The following CDH22 variants were observed in gnomAD, a reference collection of about 807,000 sequenced individuals.
CDH22 encodes the protein cadherin-22.
In CDH22, 30 loss-of-function variants were observed where a neutral mutation model predicts 58.4. The ratio of observed to expected loss-of-function variants is 0.51; its 90% CI spans 0.38 to 0.70. CDH22 has a LOEUF of 0.70. Ranked by LOEUF, CDH22 falls within the 30% of genes least tolerant of loss-of-function variation. CDH22 has a pLI of 0.00. For missense variants in CDH22, 1,014 were observed against 1,233.9 expected (o/e 0.82, Z 2.67); for synonymous variants, 513 against 558.2 (o/e 0.92, Z 1.14).
chr20:46,217,061 A>T (rs933956505), intron 4 of CDH22, 68 bp from the exon 5 acceptor site: 40 of 1,489,296 alleles, frequency 2.7e-5, no homozygotes, highest in Non-Finnish European at 3.5e-5. Context: ...AGACCCCTGT[A>T]CAGGCGGGAT....
intron 10 of CDH22, among the ~76,000 whole-genome samples, chr20:46,186,105 T>C (rs978496935): frequency 6.6e-6 from 1 of 151,132 alleles, no homozygotes; most frequent in African/African-American, 2.4e-5. Context: ...TCCGAGCTAC[T>C]TGGGAGGCTG....
intron 1 of CDH22, among the ~76,000 whole-genome samples, chr20:46,295,657 C>T (rs1402842866): frequency 6.6e-6 from 1 of 152,238 alleles, no homozygotes; most frequent in African/African-American, 2.4e-5. Flanking sequence ...AGTCCAGCTT[C>T]CAGAATCCAA....
At chr20:46,214,259 T>G (rs1246508581) in intron 5 of CDH22, among the ~76,000 whole-genome samples, 4 of 152,002 alleles carry the variant, frequency 2.6e-5, no homozygotes, top group African/African-American at 9.7e-5. Context: ...TGCAGCTTGC[T>G]CTCCAACCAG....
rs2086369954 is a variant in CDH22, at chr20:46,251,157, C to A, written c.138G>T (p.Ala46=). The A allele has an allele frequency of 3.1e-6, 5 of 1,589,916 alleles. No homozygotes were observed. The highest frequency in any genetic ancestry group is 1.1e-5 in the South Asian group (1 of 89,554). ...LWAAGTPSPS[A]PGARQDGALG... is the part of the protein sequence containing the mutation. The stretch of plus-strand genomic sequence containing the variant: ...GCGCGCCGTCCTGCCGAGCTCCGGG[C>A]GCCGACGGCGAGGGTGTGCCCGCTG... The change falls in exon 2 of 12, where the codon GCG becomes GCT. Residue 46 remains alanine, a synonymous_variant. Coordinates refer to ENST00000537909, the MANE Select transcript of CDH22 (RefSeq NM_021248.3). This position sits in a 1 kb window ranked among gnomAD's most constrained non-coding sequence, Gnocchi z 6.7.
chr20:46,223,721 TTCTTTC>T (rs758297771), intron 4 of CDH22, among the ~76,000 whole-genome samples: 11,316 of 86,442 alleles, frequency 0.13, 499 homozygotes, highest in Non-Finnish European at 0.14. Flanking sequence ...TTCTTTTTCT[TTCTTTC>T]TCTTTCTTTC....
chr20:46,224,277 G>A (rs1042413744), intron 4 of CDH22, among the ~76,000 whole-genome samples: 1 of 152,236 alleles, frequency 6.6e-6, no homozygotes, highest in Non-Finnish European at 1.5e-5. Flanking sequence ...AAAGTGCCAT[G>A]AATGCAGAGC....
At chr20:46,255,856 C>T (rs569847006) in intron 1 of CDH22, among the ~76,000 whole-genome samples, 1 of 152,296 alleles carries the variant, frequency 6.6e-6, no homozygotes, top group East Asian at 1.9e-4. Context: ...CCTGGGACCG[C>T]CTCCCATGAG....
intron 1 of CDH22, among the ~76,000 whole-genome samples, chr20:46,283,756 C>T (rs2086561578): frequency 6.6e-6 from 1 of 151,452 alleles, no homozygotes; most frequent in Admixed American, 6.6e-5. Flanking sequence ...AGCAGCTTCA[C>T]ATGGAGTCCC....
At chr20:46,302,289 A>C (rs947232819) in intron 1 of CDH22, among the ~76,000 whole-genome samples, 1 of 151,388 alleles carries the variant, frequency 6.6e-6, no homozygotes. Context: ...GGTGGGGGGG[A>C]CTGTCTTGTG....
chr20:46,222,858 C>G (rs997218906), intron 4 of CDH22, among the ~76,000 whole-genome samples: 2 of 152,286 alleles, frequency 1.3e-5, no homozygotes, highest in African/African-American at 2.4e-5. Flanking sequence ...CTCACACCTT[C>G]CTCCCAGGCC....
intron 1 of CDH22, among the ~76,000 whole-genome samples, chr20:46,270,778 C>T (rs1422923358): frequency 6.6e-6 from 1 of 152,134 alleles, no homozygotes; most frequent in Non-Finnish European, 1.5e-5. Context: ...TATAAATCTG[C>T]AATTCATCAT....
intron 6 of CDH22, among the ~76,000 whole-genome samples, chr20:46,211,444 G>T (rs564609034): frequency 2.6e-5 from 4 of 152,326 alleles, no homozygotes; most frequent in Admixed American, 2.0e-4. Flanking sequence ...CCTGTTGCCT[G>T]GGAAATCAGG....
At chr20:46,292,385 T>C (rs2145777782) in intron 1 of CDH22, among the ~76,000 whole-genome samples, 1 of 152,350 alleles carries the variant, frequency 6.6e-6, no homozygotes. Context: ...GCTGTGGCTT[T>C]GATGTCAAAC....
At chr20:46,292,916 T>TTGTGTGTGTGTCTG (rs1555808072) in intron 1 of CDH22, among the ~76,000 whole-genome samples, 5 of 143,922 alleles carry the variant, frequency 3.5e-5, no homozygotes, top group African/African-American at 1.3e-4. Context: ...CAGCCACTGG[T>TTGTGTGTGTGTCTG]TGTGTGTGTG....
At chr20:46,202,422 C>T (rs969536580) in intron 7 of CDH22, among the ~76,000 whole-genome samples, 9 of 150,554 alleles carry the variant, frequency 6.0e-5, no homozygotes, top group Non-Finnish European at 1.2e-4. Context: ...GGTGCGATCT[C>T]GGCTCACTGC....
At chr20:46,232,977 C>A (rs1198405215) in intron 3 of CDH22, among the ~76,000 whole-genome samples, 1 of 152,036 alleles carries the variant, frequency 6.6e-6, no homozygotes, top group African/African-American at 2.4e-5. Context: ...GGGTAAGAGA[C>A]AGAGAAAGAA....
chr20:46,222,002 G>A (rs929859435), intron 4 of CDH22, among the ~76,000 whole-genome samples: 1 of 152,170 alleles, frequency 6.6e-6, no homozygotes, highest in Non-Finnish European at 1.5e-5. Flanking sequence ...ACAGATATGG[G>A]CTCAAGTCTT....
chr20:46,233,348 G>A (rs1450535767), intron 3 of CDH22, among the ~76,000 whole-genome samples: 1 of 151,742 alleles, frequency 6.6e-6, no homozygotes, highest in Non-Finnish European at 1.5e-5. Context: ...CTGAGAGAGA[G>A]CACTCTCTTA....
intron 1 of CDH22, among the ~76,000 whole-genome samples, chr20:46,301,115 G>A (rs1456060509): frequency 1.3e-5 from 2 of 152,146 alleles, no homozygotes; most frequent in African/African-American, 4.8e-5. Context: ...GATATGCACT[G>A]AAATGGTAGC....
Sources: allele counts gnomAD v4.1 joint callset (sites outside exome capture counted in the v4.1 genomes callset), GRCh38; gene constraint gnomAD v4.1.1; non-coding constraint Gnocchi (gnomAD v3.1); transcripts MANE v1.5; gene names NCBI Gene and HGNC (gene_info 2026-07-23, HGNC 2026-07-21).